The following ABCA9 variants were observed in gnomAD, a reference collection of about 807,000 sequenced individuals.
The protein encoded by ABCA9 is ATP binding cassette subfamily A member 9.
ABCA9 carries 183 observed loss-of-function variants against 205.3 expected under a neutral mutation model. The observed-to-expected ratio is 0.89, with a 90% confidence interval of 0.79 to 1.01. The LOEUF is 1.01. Among genes scored for constraint, ABCA9 ranks in the 50% least tolerant of loss-of-function variants. The pLI is 0.00. For synonymous variants in ABCA9, 651 were observed against 683.3 expected (o/e 0.95, Z 0.74); for missense variants, 1,805 against 1,912.4 (o/e 0.94, Z 1.05).
At chr17:68,981,928 TG>T (rs146902371) in intron 37 of ABCA9, among the ~76,000 whole-genome samples, 8,520 of 148,000 alleles carry the variant, frequency 0.058, 816 homozygotes, top group African/African-American at 0.2. Context: ...AGAAGGGGCA[TG>T]AGGTTTCATA....
intron 8 of ABCA9, among the ~76,000 whole-genome samples, chr17:69,034,421 A>G (rs2071267028): frequency 6.6e-6 from 1 of 152,042 alleles, no homozygotes; most frequent in Non-Finnish European, 1.5e-5. Flanking sequence ...GGGTTTCACC[A>G]TGTTGCCCAG....
chr17:69,033,806 A>T lies in ABCA9; in HGVS notation c.1196T>A (p.Ile399Lys). Residue 399 changes from isoleucine (I) to lysine (K), a missense_variant, in exon 9 of 39, where the codon ATA (isoleucine) becomes AAA (lysine). Transcript: ENST00000340001. The part of the protein sequence containing the change: ...HLDSSQNPYL[I>K]IATLFMLVFD... ...AACCAACATGAAAAGAGTAGCTATT[A>T]TGAGGTATGGATTTTGTGAAGAATC... 1 of 1,608,646 alleles carries T rather than the reference A, an allele frequency of 6.2e-7. No homozygotes were observed. Among genetic ancestry groups the T allele is most frequent in the South Asian group, 1.1e-5 (1 of 90,802 alleles).
At chr17:69,027,874 C>A in intron 12 of ABCA9, 59 bp from the exon 13 acceptor site, 2 of 1,367,532 alleles carry the variant, frequency 1.5e-6, no homozygotes, top group Admixed American at 2.3e-5. Flanking sequence ...CATTGAAGAT[C>A]TTTTAAAATG....
At chr17:69,017,856 T>G (rs980592306) in intron 20 of ABCA9, 67 bp from the exon 21 acceptor site, 3 of 1,527,826 alleles carry the variant, frequency 2.0e-6, no homozygotes, top group Non-Finnish European at 2.7e-6. Context: ...ATATTAAAAA[T>G]ACATTACATC....
intron 6 of ABCA9, 29 bp downstream of exon 6, chr17:69,043,460 G>A: frequency 1.3e-6 from 2 of 1,512,796 alleles, no homozygotes; most frequent in African/African-American, 1.4e-5. Context: ...TGTTTATGCT[G>A]TATAATGGAT....
chr17:69,045,006 C>T (rs1296707361), intron 4 of ABCA9, among the ~76,000 whole-genome samples, 166 bp downstream of exon 4: 1 of 152,040 alleles, frequency 6.6e-6, no homozygotes, highest in Non-Finnish European at 1.5e-5. Flanking sequence ...TGTACTTAAG[C>T]ACATAAGCTT....
In ABCA9 at chr17:68,976,033, T is replaced by G. The variant is rs779369618; in HGVS notation, c.4777-20A>C. 7.4e-6 allele frequency: 12 copies of G among 1,611,272 alleles called. No homozygotes were observed. Among genetic ancestry groups the G allele is most frequent in the South Asian group, 1.1e-5 (1 of 90,988 alleles). ...GAAAACCTAAAAGGAAGGAAAGAAA[T>G]AAAGAGAGGAGAACAATGCCATACT... On this transcript the variant is annotated intron_variant, in intron 38 of 38. Transcript: ENST00000340001.
chr17:69,011,915 TA>T, intron 23 of ABCA9, 60 bp downstream of exon 23: 1 of 1,135,592 alleles, frequency 8.8e-7, no homozygotes, highest in South Asian at 1.7e-5. Context: ...TTTATAGTCG[TA>T]AGGGTGTGGG....
At chr17:68,987,732 T>C (rs960668381) in intron 31 of ABCA9, among the ~76,000 whole-genome samples, 1 of 148,786 alleles carries the variant, frequency 6.7e-6, no homozygotes. Flanking sequence ...ATGACCTCAT[T>C]TGCGTTTTTT....
At chr17:69,077,090 GTGTTA>G in the ABCA9 span, among the ~76,000 whole-genome samples, 1 of 151,950 alleles carries the variant, frequency 6.6e-6, no homozygotes, top group African/African-American at 2.4e-5. Context: ...GTTCCACCAG[GTGTTA>G]TGTTAGAGTG....
At chr17:69,064,586 G>A (rs2072325529), upstream of ABCA9, among the ~76,000 whole-genome samples, 1 of 152,136 alleles carries the variant, frequency 6.6e-6, no homozygotes, top group Admixed American at 6.5e-5. Context: ...ATCTAACAAG[G>A]GTGTTTTAGA....
chr17:68,989,256 T>TCTCTCTCTCTCA (rs138281321), intron 30 of ABCA9, 138 bp from the exon 31 acceptor site: 1 of 228,608 alleles, frequency 4.4e-6, no homozygotes, highest in Non-Finnish European at 8.8e-6. Flanking sequence ...TCTCTCTCTC[T>TCTCTCTCTCTCA]CACACACACA....
At chr17:69,038,107 AACAGATTC>A (rs923536701) in intron 6 of ABCA9, among the ~76,000 whole-genome samples, 168 of 152,154 alleles carry the variant, frequency 1.1e-3, no homozygotes, top group African/African-American at 3.9e-3. Flanking sequence ...CTCAGGACCA[AACAGATTC>A]ACAGCTGAAT....
At chr17:69,008,292 T>C (rs770031589) in intron 23 of ABCA9, 57 bp from the exon 24 acceptor site, 73 of 1,499,214 alleles carry the variant, frequency 4.9e-5, no homozygotes, top group Non-Finnish European at 6.1e-5. Context: ...GTTTGGGAAA[T>C]TGCAAATATA....
chr17:69,014,687 C>T (rs186572723), intron 22 of ABCA9, among the ~76,000 whole-genome samples: 1 of 152,094 alleles, frequency 6.6e-6, no homozygotes, highest in African/African-American at 2.4e-5. Flanking sequence ...ATCTCCTTCA[C>T]ATCCCCAAAC....
chr17:69,037,071 C>T (rs899636961), intron 6 of ABCA9, among the ~76,000 whole-genome samples: 1 of 151,932 alleles, frequency 6.6e-6, no homozygotes, highest in Admixed American at 6.6e-5. Flanking sequence ...AAAGCAAGTT[C>T]TTAGAGACCT....
At chr17:69,071,120 CCCTGGGACAGAGCA>C in the ABCA9 span, among the ~76,000 whole-genome samples, 3 of 152,204 alleles carry the variant, frequency 2.0e-5, no homozygotes, top group Non-Finnish European at 4.4e-5. Flanking sequence ...ACTCTGATCT[CCCTGGGACAGAGCA>C]CCTGGGAGAA....
chr17:68,986,042 G>T, intron 32 of ABCA9, 122 bp downstream of exon 32: 2 of 960,038 alleles, frequency 2.1e-6, no homozygotes, highest in South Asian at 2.4e-5. Context: ...AGTTCTAGAT[G>T]ACCAAATCTT....
chr17:69,055,737 C>T lies in ABCA9; in HGVS notation c.-13-4598G>A, dbSNP rs148110385. 1.8e-4 allele frequency among the ~76,000 whole-genome samples: 27 copies of T among 152,200 alleles called. No homozygotes were observed. In the South Asian group the frequency reaches 2.1e-3, roughly 12 times the overall value. On this transcript the variant is annotated intron_variant, in intron 1 of 38. Transcript: ENST00000340001. ...TCATCCTTCTCATGCTCACATGGAACGCTCACCAAGATAGACCAATTTTGA... is the reference window on the plus strand; with the variant it reads ...TCATCCTTCTCATGCTCACATGGAATGCTCACCAAGATAGACCAATTTTGA...
Sources: allele counts gnomAD v4.1 joint callset (sites outside exome capture counted in the v4.1 genomes callset), GRCh38; gene constraint gnomAD v4.1.1; transcripts MANE v1.5; gene names NCBI Gene and HGNC (gene_info 2026-07-23, HGNC 2026-07-21).